CNTNAP2: variants seen among roughly 807,000 people sequenced by gnomAD.
CNTNAP2 encodes contactin-associated protein-like 2.
CNTNAP2 carries 98 observed loss-of-function variants against 155.2 expected under a neutral mutation model. The ratio of observed to expected loss-of-function variants is 0.63; its 90% CI spans 0.54 to 0.75. The LOEUF is 0.75. Ranked by LOEUF, CNTNAP2 falls within the 30% of genes least tolerant of loss-of-function variation. The probability of loss-of-function intolerance (pLI) is 0.00; values close to 1 mark genes in which losing one functional copy is unlikely to be tolerated. For missense variants in CNTNAP2, 1,727 were observed against 1,688.1 expected (o/e 1.02, Z -0.40); for synonymous variants, 651 against 631.2 (o/e 1.03, Z -0.47).
chr7:146,930,951 C>A (rs1335166239), intron 3 of CNTNAP2, among the ~76,000 whole-genome samples: 5 of 152,074 alleles, frequency 3.3e-5, no homozygotes, highest in African/African-American at 1.2e-4. Context: ...CCTGAGTGAC[C>A]TACAAAGAGA....
rs185845207 is a variant in CNTNAP2 at position 146,889,476 on chromosome 7, G to A, written c.402+49572G>A. On this transcript the variant is annotated intron_variant, in intron 3 of 23. Coordinates refer to ENST00000361727, the MANE Select transcript of CNTNAP2 (RefSeq NM_014141.6). ...TCTGTAAACAGTGAGATTCATAGAC[G>A]TGTCTTCCCAATACTAAGCTGTATT... Among the ~76,000 whole-genome samples the A allele has an allele frequency of 4.6e-5, 7 of 152,152 alleles. No individual in the cohort carries two copies. In the East Asian group the frequency reaches 5.8e-4, roughly 13 times the overall value.
intron 18 of CNTNAP2, among the ~76,000 whole-genome samples, chr7:148,193,214 G>A (rs1795227664): frequency 6.6e-6 from 1 of 152,112 alleles, no homozygotes; most frequent in Admixed American, 6.5e-5. Context: ...AGATTGAGAG[G>A]TTAGGTACTA....
intron 13 of CNTNAP2, among the ~76,000 whole-genome samples, chr7:147,777,823 T>C (rs1797608313): frequency 6.6e-6 from 1 of 152,234 alleles, no homozygotes; most frequent in Non-Finnish European, 1.5e-5. Context: ...ATTGGCATTT[T>C]ATTTACTTCC....
chr7:147,326,122 C>G (rs1388104207), intron 9 of CNTNAP2, among the ~76,000 whole-genome samples: 1 of 152,204 alleles, frequency 6.6e-6, no homozygotes, highest in Non-Finnish European at 1.5e-5. Context: ...GATGGGGTTT[C>G]ACCGTGTTAG....
chr7:146,748,571 T>C (rs1801852027), intron 1 of CNTNAP2, among the ~76,000 whole-genome samples: 1 of 152,176 alleles, frequency 6.6e-6, no homozygotes, highest in South Asian at 2.1e-4. Flanking sequence ...AAGTTGAAAG[T>C]TCACTAGTTT....
At chr7:147,346,406 G>A (rs958129469) in intron 9 of CNTNAP2, among the ~76,000 whole-genome samples, 9 of 150,740 alleles carry the variant, frequency 6.0e-5, no homozygotes, top group South Asian at 2.1e-4. Flanking sequence ...CACCCGCCTC[G>A]GCCTCCCAAA....
At chr7:146,640,764 G>A (rs1208152106) in intron 1 of CNTNAP2, among the ~76,000 whole-genome samples, 1 of 152,020 alleles carries the variant, frequency 6.6e-6, no homozygotes, top group Non-Finnish European at 1.5e-5. Flanking sequence ...TCTTGACTGC[G>A]AAAATTTTAA....
intron 1 of CNTNAP2, among the ~76,000 whole-genome samples, chr7:146,354,858 A>G (rs1381372676): frequency 6.6e-6 from 1 of 152,204 alleles, no homozygotes; most frequent in Non-Finnish European, 1.5e-5. Context: ...TGTGAAATGA[A>G]ATTCAGTGGA....
At chr7:148,303,819 G>A (rs1797438635) in intron 21 of CNTNAP2, among the ~76,000 whole-genome samples, 2 of 152,196 alleles carry the variant, frequency 1.3e-5, no homozygotes, top group African/African-American at 2.4e-5. Context: ...GGCTAAGACA[G>A]CCCACTTCCA....
intron 19 of CNTNAP2, among the ~76,000 whole-genome samples, chr7:148,225,244 T>C (rs1795824804): frequency 6.6e-6 from 1 of 151,716 alleles, no homozygotes; most frequent in Admixed American, 6.6e-5. Flanking sequence ...ATGGGGAAAA[T>C]ATGAGGCAGA....
intron 22 of CNTNAP2, among the ~76,000 whole-genome samples, chr7:148,402,559 T>C (rs571610407): frequency 6.6e-6 from 1 of 152,194 alleles, no homozygotes; most frequent in African/African-American, 2.4e-5. Context: ...ATATCAATAG[T>C]GAATGGCTAA....
At chr7:147,174,052 T>A (rs1318545975) in intron 8 of CNTNAP2, among the ~76,000 whole-genome samples, 1 of 152,112 alleles carries the variant, frequency 6.6e-6, no homozygotes, top group Non-Finnish European at 1.5e-5. Flanking sequence ...TCCCTCTGAA[T>A]CATGTATGTC....
chr7:148,109,373 GTTTTGTT>G (rs1213922617), intron 15 of CNTNAP2, among the ~76,000 whole-genome samples: 3 of 150,330 alleles, frequency 2.0e-5, no homozygotes, highest in Non-Finnish European at 4.4e-5. Flanking sequence ...GTTTTGTTTT[GTTTTGTT>G]TTGTTTTGTT....
At chr7:147,218,972 C>T (rs1368497868) in intron 8 of CNTNAP2, among the ~76,000 whole-genome samples, 1 of 152,012 alleles carries the variant, frequency 6.6e-6, no homozygotes, top group Non-Finnish European at 1.5e-5. Context: ...ATAACAATAC[C>T]ACAGACTAAT....
In CNTNAP2 at chr7:148,391,072, CTATTTGGTTCTGGCACGCTT is replaced by C. The variant is rs545511096; in HGVS notation, c.3715+7186_3715+7205del. 1.3e-3 allele frequency among the ~76,000 whole-genome samples: 201 copies of C among 152,294 alleles called. 5 individuals are homozygous for C. Among genetic ancestry groups the C allele is most frequent in the South Asian group, 4.8e-3 (23 of 4,824 alleles). Reference sequence around the variant, plus strand: ...TTCTGATTTTATAAAGAGAAAGTCTCTATTTGGTTCTGGCACGCTTTTAACACCTCTCCCATGATTGTATT... The same window carrying C: ...TTCTGATTTTATAAAGAGAAAGTCTCTTAACACCTCTCCCATGATTGTATT... On this transcript the variant is annotated intron_variant, in intron 22 of 23. Transcript: ENST00000361727.
chr7:146,423,356 A>T (rs1036525868), intron 1 of CNTNAP2, among the ~76,000 whole-genome samples: 2 of 152,198 alleles, frequency 1.3e-5, no homozygotes, highest in Admixed American at 6.5e-5. Flanking sequence ...TGAATATTAC[A>T]GTTCTTCCCC....
chr7:147,016,235 C>A (rs1798721319), intron 3 of CNTNAP2, among the ~76,000 whole-genome samples: 1 of 151,868 alleles, frequency 6.6e-6, no homozygotes, highest in South Asian at 2.1e-4. Flanking sequence ...GTCTTTTAAT[C>A]TAGTATCTGA....
chr7:147,804,243 A>G (rs1798054112), intron 13 of CNTNAP2, among the ~76,000 whole-genome samples: 2 of 152,174 alleles, frequency 1.3e-5, no homozygotes, highest in African/African-American at 4.8e-5. Flanking sequence ...TAAATTGATA[A>G]TTAATAGGTT....
At chr7:146,168,328 C>T (rs1185880707) in intron 1 of CNTNAP2, among the ~76,000 whole-genome samples, 1 of 151,862 alleles carries the variant, frequency 6.6e-6, no homozygotes, top group South Asian at 2.1e-4. Context: ...ATTCCCTATC[C>T]TATAGATAAT....
Sources: gnomAD v4.1 joint callset for allele counts (sites outside exome capture counted in the v4.1 genomes callset) on GRCh38, gnomAD v4.1.1 for gene constraint, MANE v1.5 for transcripts, NCBI Gene and HGNC (gene_info 2026-07-23, HGNC 2026-07-21) for gene names.